IGFL2: variants seen among roughly 807,000 people sequenced by gnomAD.
IGFL2 encodes IGF like family member 2.
In IGFL2, 7 loss-of-function variants were observed where a neutral mutation model predicts 13.9. The ratio of observed to expected loss-of-function variants is 0.51; its 90% CI spans 0.29 to 0.95. IGFL2 has a LOEUF of 0.95. Among genes scored for constraint, IGFL2 ranks in the 40% least tolerant of loss-of-function variants. The pLI, the probability that IGFL2 is intolerant of heterozygous loss-of-function variation, is 0.08. For synonymous variants in IGFL2, 55 were observed against 55.8 expected (o/e 0.99, Z 0.07); for missense variants, 138 against 147.8 (o/e 0.93, Z 0.34).
the IGFL2 span, among the ~76,000 whole-genome samples, chr19:46,099,279 G>A: frequency 6.6e-6 from 1 of 152,136 alleles, no homozygotes; most frequent in African/African-American, 2.4e-5. Context: ...CATTCTTGGA[G>A]AATCTGATGA....
the IGFL2 span, among the ~76,000 whole-genome samples, chr19:46,174,462 T>G: frequency 1.6e-3 from 241 of 152,124 alleles, 1 homozygote; most frequent in African/African-American, 5.1e-3. Flanking sequence ...GAATAAAATA[T>G]CAGGTGGGAA....
the IGFL2 span, among the ~76,000 whole-genome samples, chr19:46,215,073 C>T: frequency 6.6e-6 from 1 of 152,106 alleles, no homozygotes; most frequent in Non-Finnish European, 1.5e-5. Context: ...CAGATTTGCT[C>T]TTTGTTCCTG....
downstream of IGFL2, chr19:46,164,751 G>A (rs1195745417): frequency 1.3e-5 from 2 of 152,200 alleles, no homozygotes; most frequent in Non-Finnish European, 2.9e-5. Flanking sequence ...CGCTGGAGAA[G>A]GCACGTGTTT....
At chr19:46,146,940 G>A (rs1022713822), upstream of IGFL2, among the ~76,000 whole-genome samples, 2 of 152,120 alleles carry the variant, frequency 1.3e-5, no homozygotes, top group East Asian at 1.9e-4. Flanking sequence ...ACACAGGAGC[G>A]CATTCTAATA....
At chr19:46,208,449 A>G in the IGFL2 span, 1 of 152,170 alleles carries the variant, frequency 6.6e-6, no homozygotes, top group African/African-American at 2.4e-5. Flanking sequence ...TGTCCTGGGC[A>G]GTTTCTCTTT....
the IGFL2 span, among the ~76,000 whole-genome samples, chr19:46,105,833 C>T: frequency 4.6e-5 from 7 of 152,184 alleles, no homozygotes; most frequent in Non-Finnish European, 8.8e-5. Flanking sequence ...AGAAAGGCTA[C>T]AGGGTGCAGT....
the IGFL2 span, among the ~76,000 whole-genome samples, chr19:46,205,759 T>TGGTAATTA: frequency 1.3e-5 from 2 of 152,154 alleles, no homozygotes; most frequent in Non-Finnish European, 2.9e-5. Context: ...ATTACCAGTG[T>TGGTAATTA]CAGCACTCCC....
the IGFL2 span, among the ~76,000 whole-genome samples, chr19:46,185,195 A>C: frequency 6.6e-6 from 1 of 152,038 alleles, no homozygotes. Flanking sequence ...CCCACTCTGT[A>C]GGTTGTCTGT....
At chr19:46,167,928 T>A in the IGFL2 span, among the ~76,000 whole-genome samples, 1 of 152,018 alleles carries the variant, frequency 6.6e-6, no homozygotes, top group African/African-American at 2.4e-5. Flanking sequence ...ACCTCCAGAG[T>A]GTGAGAAAAT....
At chr19:46,106,252 G>A in the IGFL2 span, among the ~76,000 whole-genome samples, 10 of 152,184 alleles carry the variant, frequency 6.6e-5, no homozygotes, top group Admixed American at 6.5e-4. Flanking sequence ...ATCCTTTTGA[G>A]AATAGATGTT....
At chr19:46,113,409 G>T in the IGFL2 span, 1 of 403,516 alleles carries the variant, frequency 2.5e-6, no homozygotes, top group South Asian at 1.8e-5. Flanking sequence ...GGGACATTTG[G>T]AAACTTCCAT....
chr19:46,214,926 AC>A, the IGFL2 span: 7 of 151,354 alleles, frequency 4.6e-5, 1 homozygote, highest in South Asian at 1.5e-3. Context: ...ACAGGCTGTC[AC>A]GTGTCCTCAG....
downstream of IGFL2, chr19:46,164,156 T>A (rs1433140823): frequency 6.6e-6 from 1 of 151,074 alleles, no homozygotes; most frequent in Non-Finnish European, 1.5e-5. Flanking sequence ...GTCATCTAAA[T>A]GGCAAAGATA....
At chr19:46,192,127 C>T in the IGFL2 span, among the ~76,000 whole-genome samples, 1 of 152,162 alleles carries the variant, frequency 6.6e-6, no homozygotes, top group Admixed American at 6.5e-5. Flanking sequence ...GAAGAGCACA[C>T]CCACAGGGAC....
intron 1 of IGFL2, among the ~76,000 whole-genome samples, chr19:46,158,587 A>C (rs928569833): frequency 2.6e-5 from 4 of 152,196 alleles, no homozygotes; most frequent in Non-Finnish European, 5.9e-5. Flanking sequence ...TTCTATATTT[A>C]TATGGAAAGG....
At chr19:46,091,813 A>G in the IGFL2 span, among the ~76,000 whole-genome samples, 4 of 152,246 alleles carry the variant, frequency 2.6e-5, no homozygotes, top group Admixed American at 2.6e-4. Context: ...TGAGAGCCTC[A>G]ACAGTTTCAA....
At chr19:46,187,922 C>T in the IGFL2 span, among the ~76,000 whole-genome samples, 1 of 150,160 alleles carries the variant, frequency 6.7e-6, no homozygotes, top group Non-Finnish European at 1.5e-5. Context: ...GAGCATTAAC[C>T]CATTTATACC....
the IGFL2 span, among the ~76,000 whole-genome samples, chr19:46,118,457 GAA>G: frequency 6.6e-6 from 1 of 152,222 alleles, no homozygotes; most frequent in Admixed American, 6.5e-5. Flanking sequence ...CAGTAAGAGA[GAA>G]AGCCCCTGGG....
the IGFL2 span, among the ~76,000 whole-genome samples, chr19:46,192,964 T>C: frequency 0.01 from 1,510 of 150,420 alleles, 26 homozygotes; most frequent in African/African-American, 0.035. Context: ...CCAAGGTGGG[T>C]GGATCACTTG....
Sources: gnomAD v4.1 joint callset for allele counts (sites outside exome capture counted in the v4.1 genomes callset) on GRCh38, gnomAD v4.1.1 for gene constraint, MANE v1.5 for transcripts, NCBI Gene and HGNC (gene_info 2026-07-23, HGNC 2026-07-21) for gene names.